The following ENTREP2 variants were observed in gnomAD, a reference collection of about 807,000 sequenced individuals.
The protein encoded by ENTREP2 is endosomal transmembrane epsin interactor 2, also known as protein ENTREP2.
At chr15:29,464,258 G>T in the ENTREP2 span, among the ~76,000 whole-genome samples, 1 of 122,322 alleles carries the variant, frequency 8.2e-6, no homozygotes, top group Non-Finnish European at 1.6e-5. Flanking sequence ...TGCTATTTTT[G>T]CACAGAAAAG....
At chr15:29,544,286 CAGTT>C in the ENTREP2 span, among the ~76,000 whole-genome samples, 2 of 152,116 alleles carry the variant, frequency 1.3e-5, no homozygotes, top group Non-Finnish European at 2.9e-5. Flanking sequence ...GAATAATTCA[CAGTT>C]AGTAGTCAGA....
At chr15:29,354,093 T>C in the ENTREP2 span, among the ~76,000 whole-genome samples, 2 of 152,120 alleles carry the variant, frequency 1.3e-5, no homozygotes, top group Non-Finnish European at 2.9e-5. Flanking sequence ...CCAATGTGGG[T>C]GCACCTCATC....
chr15:29,156,456 G>T, the ENTREP2 span, among the ~76,000 whole-genome samples: 1 of 152,128 alleles, frequency 6.6e-6, no homozygotes, highest in East Asian at 1.9e-4. Context: ...CCAAAGTGCT[G>T]GGATTACAAG....
chr15:29,647,169 T>G, the ENTREP2 span, among the ~76,000 whole-genome samples: 1 of 152,228 alleles, frequency 6.6e-6, no homozygotes, highest in Non-Finnish European at 1.5e-5. Context: ...CTCTGGCTGG[T>G]ACATTGCAAT....
chr15:29,123,041 A>C, the ENTREP2 span: 1 of 335,256 alleles, frequency 3.0e-6, no homozygotes, highest in Non-Finnish European at 5.5e-6. Context: ...AACACTGCTC[A>C]GTTCAAGGTG....
chr15:29,270,801 A>G, the ENTREP2 span, among the ~76,000 whole-genome samples: 2 of 152,252 alleles, frequency 1.3e-5, no homozygotes, highest in African/African-American at 4.8e-5. Context: ...TGACTTCTAC[A>G]GATCTTAGCA....
chr15:29,628,311 A>G, the ENTREP2 span, among the ~76,000 whole-genome samples: 2 of 152,142 alleles, frequency 1.3e-5, no homozygotes, highest in African/African-American at 4.8e-5. Flanking sequence ...CCCATTTTTA[A>G]ATTGAGTTGC....
chr15:29,333,172 T>C, the ENTREP2 span, among the ~76,000 whole-genome samples: 1 of 151,854 alleles, frequency 6.6e-6, no homozygotes, highest in African/African-American at 2.4e-5. Flanking sequence ...CATGAAGAAA[T>C]GGCTATGGAC....
chr15:29,236,724 T>G, the ENTREP2 span, among the ~76,000 whole-genome samples: 58,434 of 152,054 alleles, frequency 0.38, 11,617 homozygotes, highest in East Asian at 0.6. Context: ...CAGGCCTAGA[T>G]AGTTTCACTG....
At chr15:29,423,448 C>A in the ENTREP2 span, among the ~76,000 whole-genome samples, 8 of 152,002 alleles carry the variant, frequency 5.3e-5, no homozygotes, top group African/African-American at 1.9e-4. Context: ...CAAAGATAAA[C>A]CAATGGCAAT....
At chr15:29,328,733 G>A in the ENTREP2 span, among the ~76,000 whole-genome samples, 1 of 152,330 alleles carries the variant, frequency 6.6e-6, no homozygotes, top group East Asian at 1.9e-4. Context: ...TCTCACTGCT[G>A]GAGTGGGAAC....
At chr15:29,220,853 A>G in the ENTREP2 span, among the ~76,000 whole-genome samples, 1 of 151,822 alleles carries the variant, frequency 6.6e-6, no homozygotes, top group East Asian at 1.9e-4. Flanking sequence ...CTAGCATCAG[A>G]TATTTCACCT....
chr15:29,269,620 GC>G, the ENTREP2 span: 1 of 1,567,928 alleles, frequency 6.4e-7, no homozygotes, highest in African/African-American at 1.4e-5. Context: ...GGCCCGCGAA[GC>G]CCCGGGGTTT....
the ENTREP2 span, among the ~76,000 whole-genome samples, chr15:29,407,812 C>A: frequency 1.3e-5 from 2 of 151,862 alleles, no homozygotes; most frequent in East Asian, 3.9e-4. Flanking sequence ...ACTACAGGCA[C>A]CCACCAGCAC....
chr15:29,517,287 A>G, the ENTREP2 span, among the ~76,000 whole-genome samples: 1 of 152,158 alleles, frequency 6.6e-6, no homozygotes, highest in Non-Finnish European at 1.5e-5. Flanking sequence ...ATAAATTATA[A>G]TAACTCAACT....
the ENTREP2 span, among the ~76,000 whole-genome samples, chr15:29,509,034 A>G: frequency 6.6e-6 from 1 of 152,248 alleles, no homozygotes; most frequent in Non-Finnish European, 1.5e-5. Context: ...CCTTAAGCTG[A>G]TAAGTAACTT....
the ENTREP2 span, among the ~76,000 whole-genome samples, chr15:29,350,231 T>C: frequency 6.6e-6 from 1 of 152,224 alleles, no homozygotes; most frequent in African/African-American, 2.4e-5. Context: ...CTATTTCTTC[T>C]TAAGTTTGGC....
the ENTREP2 span, among the ~76,000 whole-genome samples, chr15:29,595,663 C>T: frequency 6.6e-6 from 1 of 152,144 alleles, no homozygotes; most frequent in African/African-American, 2.4e-5. Flanking sequence ...GGGTTTGTCT[C>T]TTCTTCACTG....
chr15:29,566,653 C>T, the ENTREP2 span, among the ~76,000 whole-genome samples: 157 of 152,216 alleles, frequency 1.0e-3, no homozygotes, highest in African/African-American at 3.5e-3. Context: ...GACAGGGTTT[C>T]GCCATGTGGG....
Sources: allele counts gnomAD v4.1 joint callset (sites outside exome capture counted in the v4.1 genomes callset), GRCh38; gene constraint gnomAD v4.1.1; transcripts MANE v1.5; gene names NCBI Gene and HGNC (gene_info 2026-07-23, HGNC 2026-07-21).